SLC2A7: variants seen among roughly 807,000 people sequenced by gnomAD.
The protein encoded by SLC2A7 is solute carrier family 2 member 7.
Under a neutral mutation model 50.5 loss-of-function variants are expected in SLC2A7, and 50 were observed. The observed-to-expected ratio is 0.99, with a 90% CI of 0.79 to 1.25. The LOEUF (loss-of-function observed/expected upper bound fraction) is 1.25. Among genes scored for constraint, SLC2A7 ranks in the 50% most tolerant of loss-of-function variants. The pLI, the probability that SLC2A7 is intolerant of heterozygous loss-of-function variation, is 0.00. For missense variants in SLC2A7, 683 were observed against 679.1 expected, an observed-to-expected ratio of 1.01 and a Z score of -0.06; for synonymous variants, 308 against 300.4, an observed-to-expected ratio of 1.03 and a Z score of -0.26.
At chr1:9,021,993 G>C (rs534495889) in intron 3 of SLC2A7, among the ~76,000 whole-genome samples, 12 of 152,304 alleles carry the variant, frequency 7.9e-5, no homozygotes, top group African/African-American at 2.6e-4. Context: ...AGTTACATTA[G>C]AGTGAATTGT....
At position 9,023,835 on chromosome 1, in the gene SLC2A7, C is replaced by CTTTTTTTTTTT. The variant is rs1557653846; in HGVS notation, c.151-758_151-757insAAAAAAAAAAA. 1.3e-3 allele frequency among the ~76,000 whole-genome samples: 89 copies of CTTTTTTTTTTT among 65,988 alleles called. 15 individuals carry two copies. Among genetic ancestry groups the CTTTTTTTTTTT allele is most frequent in the Non-Finnish European group, 1.9e-3 (66 of 34,680 alleles). The allele number at this position is 65,988 out of a possible 152,430, so 43.3% of individuals were successfully genotyped here. A position where few individuals can be genotyped will look rare whatever the true frequency, so the allele number is the denominator to read the frequency against. ...CAGAGGCACCATAGGAAATATTCTTCTTCTTTTTTTTTTTTTTTTTTTTTT... is the reference window on the plus strand; with the variant it reads ...CAGAGGCACCATAGGAAATATTCTTCTTTTTTTTTTTTTCTTTTTTTTTTTTTTTTTTTTTT... On this transcript the variant is annotated intron_variant, in intron 2 of 11. Transcript: ENST00000400906.
rs1557653846 is a variant in SLC2A7 at position 9,023,835 on chromosome 1, C to CTTTTTTTTTTTT, written c.151-758_151-757insAAAAAAAAAAAA. ...CAGAGGCACCATAGGAAATATTCTT[C>CTTTTTTTTTTTT]TTCTTTTTTTTTTTTTTTTTTTTTT... On this transcript the variant is annotated intron_variant, in intron 2 of 11. Transcript: ENST00000400906. 5.8e-4 allele frequency among the ~76,000 whole-genome samples: 38 copies of CTTTTTTTTTTTT among 65,992 alleles called. 4 individuals are homozygous for CTTTTTTTTTTTT. The highest frequency in any genetic ancestry group is 0.016 in the Middle Eastern group (1 of 64). The allele number at this position is 65,992 out of a possible 152,430, so 43.3% of individuals were successfully genotyped here. A position where few individuals can be genotyped will look rare whatever the true frequency, so the allele number is the denominator to read the frequency against.
Position 9,015,258 on chromosome 1 carries a change from G to C in SLC2A7, c.590-16C>G. The C allele has an allele frequency of 2.5e-6, 4 of 1,574,274 alleles. No individual in the cohort carries two copies. The highest frequency in any genetic ancestry group is 3.4e-6 in the Non-Finnish European group (4 of 1,164,850). ...ACCGGCCAGCCTGCAAGGAGCCAAG[G>C]ACTCAGGATCCCGGGGCCTGGGCAC... On this transcript the variant is annotated splice_polypyrimidine_tract_variant and intron_variant, in intron 5 of 11. Transcript: ENST00000400906.
At chr1:9,018,437 T>C in intron 4 of SLC2A7, 62 bp from the exon 5 acceptor site, 4 of 1,594,378 alleles carry the variant, frequency 2.5e-6, no homozygotes, top group Admixed American at 3.5e-5. Context: ...TGAGATGCAA[T>C]TCAATTCCGT....
Position 9,008,281 on chromosome 1 carries a change from G to A in SLC2A7, c.1117-896C>T, listed in dbSNP as rs1016311829. ...GGCGAGGTGGGAGGGGAGGCACTGG[G>A]AGCTTCCAAGCAGAGAAGCAACAAG... On this transcript the variant is annotated intron_variant, in intron 9 of 11. Transcript: ENST00000400906. This position sits in a 1 kb window ranked among gnomAD's most constrained non-coding sequence, Gnocchi z 5.9. 6.6e-6 allele frequency among the ~76,000 whole-genome samples: 1 copy of A among 152,118 alleles called. No homozygotes were observed. Among genetic ancestry groups the A allele is most frequent in the Non-Finnish European group, 1.5e-5 (1 of 68,020 alleles).
chr1:9,023,200 C>T, intron 2 of SLC2A7, 122 bp from the exon 3 acceptor site: 1 of 946,314 alleles, frequency 1.1e-6, no homozygotes, highest in Non-Finnish European at 1.5e-6. Context: ...CTATAAGACA[C>T]AGTTAAACCC....
intron 2 of SLC2A7, among the ~76,000 whole-genome samples, chr1:9,024,752 T>C (rs1463123167): frequency 1.3e-5 from 2 of 151,978 alleles, no homozygotes; most frequent in Non-Finnish European, 2.9e-5. Flanking sequence ...AGCATCCCAA[T>C]GTGCCCGGAA....
At chr1:9,005,793 A>T (rs556330204) in intron 10 of SLC2A7, among the ~76,000 whole-genome samples, 2 of 151,762 alleles carry the variant, frequency 1.3e-5, no homozygotes, top group African/African-American at 2.4e-5. Context: ...AAAAAAAAAA[A>T]AAAAAAAGAA....
At position 9,003,989 on chromosome 1, in the gene SLC2A7, G is replaced by C. The variant is rs181813736; in HGVS notation, c.1321-471C>G. ...CACTCCTGGAGGAATGATATAGCTA[G>C]AAAACTGTGATCACTAAAGATTGTT... On this transcript the variant is annotated intron_variant, in intron 11 of 11. Transcript: ENST00000400906. Among the ~76,000 whole-genome samples the C allele has an allele frequency of 2.8e-3, 415 of 147,300 alleles. 3 individuals are homozygous for C. The highest frequency in any genetic ancestry group is 9.8e-3 in the African/African-American group (390 of 39,886).
downstream of SLC2A7, among the ~76,000 whole-genome samples, chr1:9,002,023 C>T (rs141430911): frequency 3.6e-3 from 551 of 152,280 alleles, no homozygotes; most frequent in Middle Eastern, 6.8e-3. Flanking sequence ...GTGCAGGATG[C>T]GCCTTGTTAA....
chr1:9,025,078 T>A lies in SLC2A7; in HGVS notation c.52-4A>T, dbSNP rs377131615. 44 of 1,613,562 alleles carry A rather than the reference T, an allele frequency of 2.7e-5. No individual in the cohort carries two copies. The African/African-American group carries it at 2.8e-4, about 10-fold the overall frequency. On this transcript the variant is annotated splice_polypyrimidine_tract_variant and splice_region_variant and intron_variant, in intron 1 of 11. Coordinates refer to ENST00000400906, the MANE Select transcript of SLC2A7 (RefSeq NM_207420.3). ...GCAACAGCGTCGGCTGGAGCCGCTG[T>A]AGGAGACAAGTCCAAGGTCGGGACG...
intron 9 of SLC2A7, among the ~76,000 whole-genome samples, chr1:9,009,686 G>A (rs1640715675): frequency 1.3e-5 from 2 of 152,138 alleles, no homozygotes; most frequent in African/African-American, 2.4e-5. Flanking sequence ...TTGAGCTCCT[G>A]GGCTCAATGG....
rs552718226 is a variant in SLC2A7 at position 9,008,149 on chromosome 1, C to T, written c.1117-764G>A. Among the ~76,000 whole-genome samples, 4 of 152,212 alleles carry T rather than the reference C, an allele frequency of 2.6e-5. No homozygotes were observed. The highest frequency in any genetic ancestry group is 2.1e-4 in the South Asian group (1 of 4,818). On this transcript the variant is annotated intron_variant, in intron 9 of 11. Coordinates refer to ENST00000400906, the MANE Select transcript of SLC2A7 (RefSeq NM_207420.3). The surrounding 1 kb of genome is among the most constrained non-coding windows in gnomAD (Gnocchi z 5.9). ...AACAGCCAATGCAAAACCGGGTCAA[C>T]GGACTTCAGCCAAACTAACCGGGTG... is the stretch of plus-strand genomic sequence containing the variant.
At chr1:8,996,440 G>T in the SLC2A7 span, among the ~76,000 whole-genome samples, 6 of 152,172 alleles carry the variant, frequency 3.9e-5, no homozygotes, top group Non-Finnish European at 2.9e-5. Flanking sequence ...TACTTTGGTG[G>T]TGCTTCCAAT....
rs745410612 is a variant in SLC2A7 at position 9,014,872 on chromosome 1, C to T, written c.716-4G>A. On this transcript the variant is annotated splice_region_variant and splice_polypyrimidine_tract_variant and intron_variant, in intron 6 of 11. Coordinates refer to ENST00000400906, the MANE Select transcript of SLC2A7 (RefSeq NM_207420.3). ...TGGCCTCTCAGCCTCCTCAGAGCTG[C>T]GGAAAGCAGAACCACCCGCTCAGAG... The T allele has an allele frequency of 7.5e-6, 12 of 1,592,554 alleles. 1 individual carries two copies. Among genetic ancestry groups the T allele is most frequent in the South Asian group, 5.6e-5 (5 of 88,654 alleles).
In SLC2A7 at chr1:9,008,998, T is replaced by C. The variant is rs1260162633; in HGVS notation, c.1116+1145A>G. On this transcript the variant is annotated intron_variant, in intron 9 of 11. Transcript: ENST00000400906. This position sits in a 1 kb window ranked among gnomAD's most constrained non-coding sequence, Gnocchi z 5.9. The stretch of plus-strand genomic sequence containing the variant: ...AACACTGTTCGTCGCCAGGCCTTGC[T>C]TTCCCCGCAGGCCCTGGCCTCCTGG... Among the ~76,000 whole-genome samples, 1 of 152,246 alleles carries C rather than the reference T, an allele frequency of 6.6e-6. No homozygotes were observed.
Position 9,014,680 on chromosome 1 carries a change from C to T in SLC2A7, c.903+1G>A, listed in dbSNP as rs774068416. On this transcript the variant is annotated splice_donor_variant, in intron 7 of 11. Transcript: ENST00000400906. LOFTEE classifies it high-confidence loss of function. ...CCCTGCCTGGCCACCGTCCCACATA[C>T]CGCATTGATGCCCGACAGCTGCTGG... is the stretch of plus-strand genomic sequence containing the variant. 1 of 1,554,418 alleles carries T rather than the reference C, an allele frequency of 6.4e-7. No homozygotes were observed. Among genetic ancestry groups the T allele is most frequent in the Non-Finnish European group, 8.7e-7 (1 of 1,148,800 alleles).
chr1:8,994,532 A>G, the SLC2A7 span, among the ~76,000 whole-genome samples: 15 of 152,224 alleles, frequency 9.9e-5, no homozygotes, highest in South Asian at 8.3e-4. Flanking sequence ...CCCGATAAAC[A>G]AGCATTTACT....
In SLC2A7 at chr1:9,003,530, G is replaced by A. The variant is rs1640606206; in HGVS notation, c.1321-12C>T. 1.9e-6 allele frequency: 3 copies of A among 1,612,028 alleles called. No individual in the cohort carries two copies. Among genetic ancestry groups the A allele is most frequent in the Non-Finnish European group, 2.5e-6 (3 of 1,178,200 alleles). On this transcript the variant is annotated splice_polypyrimidine_tract_variant and intron_variant, in intron 11 of 11. Transcript: ENST00000400906. ...GCACCGATGGCCTCCTAGACCAGGA[G>A]ACGAGAAAGACAGGAGGGGGCAGAG...
Sources: allele counts gnomAD v4.1 joint callset (sites outside exome capture counted in the v4.1 genomes callset), GRCh38; gene constraint gnomAD v4.1.1; non-coding constraint Gnocchi (gnomAD v3.1); transcripts MANE v1.5; gene names NCBI Gene and HGNC (gene_info 2026-07-23, HGNC 2026-07-21).